Variants in PPP6R2 observed in about 807,000 individuals in gnomAD.
PPP6R2 encodes the protein serine/threonine-protein phosphatase 6 regulatory subunit 2.
A neutral mutation model predicts 100.2 loss-of-function variants in PPP6R2; 62 were observed. That is an observed-to-expected ratio of 0.62 (90% CI 0.50 to 0.76). The LOEUF (loss-of-function observed/expected upper bound fraction) is 0.76, where lower values mean the gene tolerates loss of function less well. PPP6R2 is among the 30% of genes least tolerant of loss of function. The probability of loss-of-function intolerance (pLI) is 0.00; values close to 1 mark genes in which losing one functional copy is unlikely to be tolerated. For missense variants in PPP6R2, 1,142 were observed against 1,276.3 expected, an observed-to-expected ratio of 0.89 and a Z score of 1.60; for synonymous variants, 525 against 514.7, an observed-to-expected ratio of 1.02 and a Z score of -0.27.
At chr22:50,360,549 A>G (rs1206796919) in intron 1 of PPP6R2, among the ~76,000 whole-genome samples, 1 of 152,002 alleles carries the variant, frequency 6.6e-6, no homozygotes, top group Admixed American at 6.6e-5. Context: ...AGGTTTTTAG[A>G]GATGGGGTCT....
intron 9 of PPP6R2, among the ~76,000 whole-genome samples, chr22:50,422,733 G>A (rs193249908): frequency 3.3e-5 from 5 of 152,124 alleles, no homozygotes; most frequent in African/African-American, 1.2e-4. Flanking sequence ...AGCATGTTGA[G>A]GGGGGTGAGG....
chr22:50,332,548 G>C, the PPP6R2 span, among the ~76,000 whole-genome samples: 2 of 151,078 alleles, frequency 1.3e-5, no homozygotes, highest in East Asian at 3.9e-4. Context: ...AAGATTTTTA[G>C]CTCTTATATT....
At chr22:50,424,452 G>A (rs1479652220) in intron 10 of PPP6R2, among the ~76,000 whole-genome samples, 2 of 99,578 alleles carry the variant, frequency 2.0e-5, no homozygotes, top group Non-Finnish European at 4.1e-5. Flanking sequence ...CGTGTGGAAC[G>A]TCTGTCAGCG....
intron 4 of PPP6R2, among the ~76,000 whole-genome samples, chr22:50,411,380 G>A (rs1350586565): frequency 6.6e-6 from 1 of 152,064 alleles, no homozygotes; most frequent in East Asian, 1.9e-4. Flanking sequence ...ACTTGAACCT[G>A]AAGGCGGAGG....
intron 1 of PPP6R2, among the ~76,000 whole-genome samples, chr22:50,366,985 CT>C (rs541397465): frequency 1.3e-3 from 195 of 145,244 alleles, no homozygotes; most frequent in Non-Finnish European, 1.3e-3. Context: ...CCTATGTTTT[CT>C]TTTTTTTTTT....
At chr22:50,369,353 G>A (rs567144263) in intron 1 of PPP6R2, among the ~76,000 whole-genome samples, 14 of 152,228 alleles carry the variant, frequency 9.2e-5, no homozygotes, top group Admixed American at 7.2e-4. Flanking sequence ...GAAGTGTTAG[G>A]TATAAAAAGT....
chr22:50,438,741 C>A lies in PPP6R2; in HGVS notation c.2107C>A (p.Pro703Thr), dbSNP rs146343309. The A allele has an allele frequency of 8.3e-5, 133 of 1,601,256 alleles. No individual in the cohort carries two copies. Among genetic ancestry groups the A allele is most frequent in the Non-Finnish European group, 8.9e-5 (104 of 1,174,262 alleles). The change falls in exon 19 of 24, where the codon CCT (proline) becomes ACT (threonine). Residue 703 changes from proline to threonine, a missense_variant. Coordinates refer to ENST00000612753, the MANE Select transcript of PPP6R2 (RefSeq NM_001242898.2). Reference protein sequence around the residue: ...PPAPGKKEAPPVEGDSEGAMW... With the variant: ...PPAPGKKEAPTVEGDSEGAMW... ...GGCCCCCGGGAAGAAGGAAGCGCCC[C>A]CTGTGGAGGGTGACTCAGAAGGTGG...
At position 50,431,836 on chromosome 22, in the gene PPP6R2, C is replaced by A. The variant is rs1415577600; in HGVS notation, c.1336-429C>A. ...GAGCCCAGGAAAAACATCTCAGGTA[C>A]AAGAAGTGATCTGTGTCAGGGCCTG... On this transcript the variant is annotated intron_variant, in intron 11 of 23. Coordinates refer to ENST00000612753, the MANE Select transcript of PPP6R2 (RefSeq NM_001242898.2). The surrounding 1 kb of genome is among the most constrained non-coding windows in gnomAD (Gnocchi z 4.8). Among the ~76,000 whole-genome samples the A allele has an allele frequency of 6.6e-6, 1 of 152,140 alleles. No homozygotes were observed. Among genetic ancestry groups the A allele is most frequent in the Non-Finnish European group, 1.5e-5 (1 of 68,028 alleles).
At chr22:50,436,292 T>G in intron 13 of PPP6R2, 75 bp from the exon 14 acceptor site, 3 of 1,363,798 alleles carry the variant, frequency 2.2e-6, no homozygotes, top group Non-Finnish European at 3.1e-6. Context: ...AGGATGCACC[T>G]GCCGGAGCCC....
chr22:50,375,065 C>G (rs992818150), intron 2 of PPP6R2, among the ~76,000 whole-genome samples: 1 of 152,076 alleles, frequency 6.6e-6, no homozygotes, highest in Non-Finnish European at 1.5e-5. Flanking sequence ...CAACAGATGT[C>G]TCAGCAGCAT....
intron 2 of PPP6R2, among the ~76,000 whole-genome samples, chr22:50,384,131 G>A (rs1435077659): frequency 6.6e-6 from 1 of 151,780 alleles, no homozygotes; most frequent in Non-Finnish European, 1.5e-5. Flanking sequence ...ATTCAAGTAT[G>A]ATTTGTTGGG....
intron 2 of PPP6R2, among the ~76,000 whole-genome samples, chr22:50,386,987 C>T (rs2054379585): frequency 6.6e-6 from 1 of 152,192 alleles, no homozygotes; most frequent in Non-Finnish European, 1.5e-5. Flanking sequence ...ATCTGTCCTG[C>T]TCTTCCGCGG....
chr22:50,347,447 C>A (rs1364235437), intron 1 of PPP6R2, among the ~76,000 whole-genome samples: 2 of 152,086 alleles, frequency 1.3e-5, no homozygotes, highest in Admixed American at 6.6e-5. Context: ...GTCATCTAAC[C>A]TCACCTTACC....
At position 50,397,980 on chromosome 22, in the gene PPP6R2, C is replaced by G. The variant is rs145267289; in HGVS notation, c.227+3845C>G. Among the ~76,000 whole-genome samples, 823 of 134,868 alleles carry G rather than the reference C, an allele frequency of 6.1e-3. 64 individuals are homozygous for G. The highest frequency in any genetic ancestry group is 0.017 in the African/African-American group (613 of 36,004). The allele number at this position is 134,868 out of a possible 152,430, so 88.5% of individuals were successfully genotyped here. On this transcript the variant is annotated intron_variant, in intron 3 of 23. Transcript: ENST00000612753. ...GTGACTTGGGATGGGGGCAGGGGGG[C>G]CTGTCCTCACCAGCCCTGTCATCTG... is the stretch of plus-strand genomic sequence containing the variant.
chr22:50,410,308 C>T (rs560572213), intron 4 of PPP6R2, among the ~76,000 whole-genome samples: 10 of 152,206 alleles, frequency 6.6e-5, no homozygotes, highest in African/African-American at 2.4e-4. Flanking sequence ...TTCCTGTGCA[C>T]GCTGCCCGGG....
intron 1 of PPP6R2, among the ~76,000 whole-genome samples, chr22:50,360,080 T>C (rs1001675157): frequency 6.6e-6 from 1 of 150,630 alleles, no homozygotes; most frequent in African/African-American, 2.4e-5. Flanking sequence ...TGAGATGGAC[T>C]CTTGCTCTGT....
chr22:50,422,617 G>A (rs746031130), intron 9 of PPP6R2, among the ~76,000 whole-genome samples: 7 of 152,200 alleles, frequency 4.6e-5, no homozygotes, highest in Admixed American at 4.6e-4. Flanking sequence ...ATGACCCCGA[G>A]GTCACCATAA....
chr22:50,435,812 G>A (rs944158104), intron 13 of PPP6R2, among the ~76,000 whole-genome samples: 4 of 152,194 alleles, frequency 2.6e-5, no homozygotes, highest in African/African-American at 9.7e-5. Context: ...GTGGAGGCCA[G>A]GGACAGCTCC....
rs1214593578 is a variant in PPP6R2 at position 50,444,227 on chromosome 22, G to A, written c.2860G>A (p.Ala954Thr). ...GKTDAPPEGA[A>T]LNGPV ...GACAGATGCCCCGCCAGAAGGAGCT[G>A]CCTTAAATGGCCCAGTGTGATGCTG... The change falls in exon 24 of 24, where the codon GCC becomes ACC. Residue 954 changes from alanine to threonine, a missense_variant. By Grantham distance (58) the Ala-to-Thr change is moderately conservative (BLOSUM62 0). Around this residue, in one of 2 missense-constraint regions of PPP6R2, gnomAD observed 550 missense variants for 517.4 expected, o/e 1.06. Transcript: ENST00000612753. 1 of 1,613,218 alleles carries A rather than the reference G, an allele frequency of 6.2e-7. No individual in the cohort carries two copies. Among genetic ancestry groups the A allele is most frequent in the South Asian group, 1.1e-5 (1 of 91,070 alleles).
Sources: gnomAD v4.1 joint callset for allele counts (sites outside exome capture counted in the v4.1 genomes callset) on GRCh38, gnomAD v4.1.1 for gene constraint, gnomAD v4.1.1 regional missense constraint, Gnocchi (gnomAD v3.1) non-coding constraint, MANE v1.5 for transcripts, NCBI Gene and HGNC (gene_info 2026-07-23, HGNC 2026-07-21) for gene names.